The following UBXN11 variants were observed in gnomAD, a reference collection of about 807,000 sequenced individuals.
UBXN11 encodes the protein UBX domain protein 11.
In UBXN11, 47 loss-of-function variants were observed where a neutral mutation model predicts 62.8. The observed-to-expected ratio is 0.75, with a 90% CI of 0.59 to 0.95. The LOEUF (loss-of-function observed/expected upper bound fraction) is 0.95, where lower values mean the gene tolerates loss of function less well. Ranked by LOEUF, UBXN11 falls within the 40% of genes least tolerant of loss-of-function variation. UBXN11 has a pLI of 0.00. For missense variants in UBXN11, 638 were observed against 661.7 expected (o/e 0.96, Z 0.39); for synonymous variants, 294 against 267.0 (o/e 1.10, Z -0.99).
Position 26,284,234 on chromosome 1 carries a change from T to C in UBXN11, c.985A>G (p.Thr329Ala). The C allele has an allele frequency of 6.2e-7, 1 of 1,612,246 alleles. No homozygotes were observed. Among genetic ancestry groups the C allele is most frequent in the South Asian group, 1.1e-5 (1 of 90,826 alleles). The change falls in exon 12 of 15, where the codon ACT (threonine) becomes GCT (alanine). Residue 329 changes from threonine to alanine, a missense_variant. Transcript: ENST00000374222. ...RVEEHPGSRM[T>A]AEKFLNRLPK... is the part of the protein sequence containing the mutation. ...AGCCTGTTCAGAAATTTCTCAGCAG[T>C]CATCCTGGAGCCTACAGGCAGAGTT...
At chr1:26,304,407 G>T (rs947574664) in intron 1 of UBXN11, among the ~76,000 whole-genome samples, 3 of 152,140 alleles carry the variant, frequency 2.0e-5, no homozygotes. Context: ...AAAGCAGGCC[G>T]GGAGCGGTGG....
At chr1:26,316,547 A>G (rs529629143) in intron 1 of UBXN11, among the ~76,000 whole-genome samples, 1 of 152,156 alleles carries the variant, frequency 6.6e-6, no homozygotes, top group African/African-American at 2.4e-5. Flanking sequence ...GCAGCCCCAG[A>G]GGTTACATAC....
intron 5 of UBXN11, among the ~76,000 whole-genome samples, 165 bp downstream of exon 5, chr1:26,297,797 C>A (rs1403832388): frequency 5.3e-5 from 8 of 152,198 alleles, no homozygotes; most frequent in African/African-American, 1.9e-4. Flanking sequence ...CGGCTCAGGT[C>A]ACAGGACCTA....
intron 1 of UBXN11, among the ~76,000 whole-genome samples, chr1:26,311,978 C>T (rs550225932): frequency 6.6e-6 from 1 of 152,208 alleles, no homozygotes; most frequent in African/African-American, 2.4e-5. Context: ...ACGAAGCCCT[C>T]ATCATCTACA....
chr1:26,306,825 G>A (rs1189571179), upstream of UBXN11: 7 of 78,662 alleles, frequency 8.9e-5, no homozygotes, highest in African/African-American at 3.8e-4. Context: ...GGTCCGGGGC[G>A]GGGTGGGGGG....
intron 8 of UBXN11, among the ~76,000 whole-genome samples, chr1:26,290,296 C>T (rs139906274): frequency 2.6e-5 from 4 of 152,310 alleles, no homozygotes; most frequent in East Asian, 3.9e-4. Flanking sequence ...CCTAGGAGCC[C>T]GTCAGCACGA....
upstream of UBXN11, among the ~76,000 whole-genome samples, chr1:26,309,800 C>T (rs1177379125): frequency 6.6e-6 from 1 of 152,018 alleles, no homozygotes; most frequent in Non-Finnish European, 1.5e-5. Flanking sequence ...TAGAATCTAC[C>T]TCCTAGGATT....
At chr1:26,291,870 C>G (rs1200167321) in intron 8 of UBXN11, among the ~76,000 whole-genome samples, 1 of 152,328 alleles carries the variant, frequency 6.6e-6, no homozygotes, top group Middle Eastern at 3.4e-3. Flanking sequence ...ACACGCTCCC[C>G]TTCCTAGCAT....
intron 1 of UBXN11, among the ~76,000 whole-genome samples, chr1:26,312,296 G>A (rs1476433207): frequency 6.6e-6 from 1 of 152,024 alleles, no homozygotes; most frequent in East Asian, 1.9e-4. Context: ...CTGTCACCCA[G>A]GCTGGAGTGC....
At chr1:26,306,833 G>GGGGGT (rs2073680929), upstream of UBXN11, 17 of 32,150 alleles carry the variant, frequency 5.3e-4, 1 homozygote, top group Non-Finnish European at 1.5e-3. Context: ...GCGGGGTGGG[G>GGGGGT]GGGGGGGGTG....
At chr1:26,288,539 C>T (rs1165598511) in intron 8 of UBXN11, among the ~76,000 whole-genome samples, 1 of 152,112 alleles carries the variant, frequency 6.6e-6, no homozygotes, top group Non-Finnish European at 1.5e-5. Flanking sequence ...CCCCCACCAC[C>T]CCACCAGGGT....
intron 4 of UBXN11, among the ~76,000 whole-genome samples, chr1:26,299,473 G>T: frequency 6.9e-6 from 1 of 145,692 alleles, no homozygotes; most frequent in South Asian, 2.1e-4. Flanking sequence ...GATTTGCACC[G>T]CTGCACTCCA....
At chr1:26,298,780 GAA>G (rs11368453) in intron 4 of UBXN11, among the ~76,000 whole-genome samples, 17 of 61,706 alleles carry the variant, frequency 2.8e-4, no homozygotes, top group Non-Finnish European at 3.4e-4. Context: ...CTCTGTCTCA[GAA>G]AAAAAAAAAA....
intron 2 of UBXN11, 133 bp from the exon 3 acceptor site, chr1:26,301,855 C>T: frequency 8.2e-7 from 1 of 1,217,778 alleles, no homozygotes; most frequent in Non-Finnish European, 1.2e-6. Context: ...CTCCTGAGGA[C>T]TTCCAGCCCC....
At chr1:26,313,658 T>C (rs189950536) in intron 1 of UBXN11, among the ~76,000 whole-genome samples, 1 of 152,320 alleles carries the variant, frequency 6.6e-6, no homozygotes, top group Non-Finnish European at 1.5e-5. Context: ...TTTACTTCAC[T>C]TCACTAATTT....
chr1:26,308,935 A>ATTTTT (rs57323315), upstream of UBXN11, among the ~76,000 whole-genome samples: 27 of 108,240 alleles, frequency 2.5e-4, no homozygotes, highest in African/African-American at 6.8e-4. Flanking sequence ...CAGTCGTTTG[A>ATTTTT]TTTTTTTTTT....
At chr1:26,299,433 G>C (rs192304773) in intron 4 of UBXN11, among the ~76,000 whole-genome samples, 1 of 150,134 alleles carries the variant, frequency 6.7e-6, no homozygotes, top group African/African-American at 2.4e-5. Context: ...GACTGCTTGA[G>C]CCTGACAGGT....
At position 26,297,590 on chromosome 1, in the gene UBXN11, C is replaced by A. The variant is rs907550852; in HGVS notation, c.301-109G>T. 3.8e-6 allele frequency: 5 copies of A among 1,305,860 alleles called. No individual in the cohort carries two copies. In the African/African-American group the frequency reaches 4.5e-5, roughly 12 times the overall value. 80.9% of individuals were successfully genotyped at this position (1,305,860 alleles called of 1,614,324 possible). On this transcript the variant is annotated intron_variant, in intron 5 of 14. Coordinates refer to ENST00000374222, the MANE Select transcript of UBXN11 (RefSeq NM_001389556.1). Reference sequence around the variant, plus strand: ...GTTGGATGCTGGGGAGCAGCAAGCCCCTGCCACCCTTTGGCACAGCCACTT... The same window carrying A: ...GTTGGATGCTGGGGAGCAGCAAGCCACTGCCACCCTTTGGCACAGCCACTT...
chr1:26,300,719 T>C (rs759841605), intron 4 of UBXN11, among the ~76,000 whole-genome samples: 1 of 152,162 alleles, frequency 6.6e-6, no homozygotes, highest in Non-Finnish European at 1.5e-5. Context: ...GGGCTGGGGC[T>C]GGGGCTGGGC....
Sources: gnomAD v4.1 joint callset for allele counts (sites outside exome capture counted in the v4.1 genomes callset) on GRCh38, gnomAD v4.1.1 for gene constraint, MANE v1.5 for transcripts, NCBI Gene and HGNC (gene_info 2026-07-23, HGNC 2026-07-21) for gene names.